The following STAB1 variants were observed in gnomAD, a reference collection of about 807,000 sequenced individuals.
The protein encoded by STAB1 is stabilin-1.
A neutral mutation model predicts 332.4 loss-of-function variants in STAB1; 250 were observed. The ratio of observed to expected loss-of-function variants is 0.75; its 90% CI spans 0.68 to 0.84. STAB1 has a LOEUF of 0.84. Among genes scored for constraint, STAB1 ranks in the 40% least tolerant of loss-of-function variants. The pLI, the probability that STAB1 is intolerant of heterozygous loss-of-function variation, is 0.00. For synonymous variants in STAB1, 1,475 were observed against 1,390.4 expected, an observed-to-expected ratio of 1.06 and a Z score of -1.35; for missense variants, 3,249 against 3,489.7, an observed-to-expected ratio of 0.93 and a Z score of 1.74.
rs1382175202 is a variant in STAB1 at position 52,520,127 on chromosome 3, G to A, written c.5412+7G>A. 6.2e-7 allele frequency: 1 copy of A among 1,611,640 alleles called. No homozygotes were observed. The highest frequency in any genetic ancestry group is 8.5e-7 in the Non-Finnish European group (1 of 1,178,842). The stretch of plus-strand genomic sequence containing the variant: ...CATGATTCGCAATGTCGAGGTGGGT[G>A]CAGCCCCCAACCTTGGTCTTCACTG... On this transcript the variant is annotated splice_region_variant and intron_variant, in intron 51 of 68. Transcript: ENST00000321725.
In STAB1 at chr3:52,514,131, C is replaced by T; in HGVS notation, c.3464C>T (p.Pro1155Leu). The T allele has an allele frequency of 1.9e-6, 3 of 1,613,376 alleles. No homozygotes were observed. Among genetic ancestry groups the T allele is most frequent in the Non-Finnish European group, 1.7e-6 (2 of 1,179,974 alleles). ...CATCCCTAGCACCATGGGTTGGTGC[C>T]CCAGATTGAGGCTGCCACTGCCTAC... Reference protein sequence around the residue: ...RELLQHHGLVPQIEAATAYTI... With the variant: ...RELLQHHGLVLQIEAATAYTI... Residue 1155 changes from proline to leucine, a missense_variant, in exon 33 of 69, where the codon CCC becomes CTC. Transcript: ENST00000321725.
At chr3:52,506,954 C>A (rs1221535234) in intron 18 of STAB1, 104 bp downstream of exon 18, 1 of 1,494,882 alleles carries the variant, frequency 6.7e-7, no homozygotes, top group African/African-American at 1.4e-5. Context: ...GCTGGGCTGA[C>A]GCCGGCTCTG....
chr3:52,506,650 G>A (rs777591173), intron 17 of STAB1, 42 bp from the exon 18 acceptor site: 1 of 1,568,746 alleles, frequency 6.4e-7, no homozygotes. Flanking sequence ...CCGGGCCAAG[G>A]CCAGCCAGGC....
rs749872566 is a variant in STAB1 at position 52,505,869 on chromosome 3, C to T, written c.1696-14C>T. On this transcript the variant is annotated splice_polypyrimidine_tract_variant and intron_variant, in intron 15 of 68. Transcript: ENST00000321725. Reference sequence around the variant, plus strand: ...AGTTCCTCCAGGAGCCAAACCCTCTCTCTCCCCTGCCAGGGTCTCTCTAAA... The same window carrying T: ...AGTTCCTCCAGGAGCCAAACCCTCTTTCTCCCCTGCCAGGGTCTCTCTAAA... 6.2e-6 allele frequency: 10 copies of T among 1,614,044 alleles called. No individual in the cohort carries two copies. Among genetic ancestry groups the T allele is most frequent in the Non-Finnish European group, 7.6e-6 (9 of 1,180,044 alleles).
rs2153233846 is a variant in STAB1, at chr3:52,517,057, G to T, written c.4437G>T (p.Gln1479His). ...ACTGTACCAAGGTGGCACCTGGGCA[G>T]CGGACATGCACCTGCCAGGATGGCT... Reference protein sequence around the residue: ...HANCTKVAPGQRTCTCQDGYM... With the variant: ...HANCTKVAPGHRTCTCQDGYM... The change falls in exon 42 of 69, where the codon CAG becomes CAT. Residue 1479 changes from glutamine to histidine, a missense_variant. Gln to His is a conservative substitution (Grantham distance 24). Coordinates refer to ENST00000321725, the MANE Select transcript of STAB1 (RefSeq NM_015136.3). 1 of 1,602,414 alleles carries T rather than the reference G, an allele frequency of 6.2e-7. No homozygotes were observed. Among genetic ancestry groups the T allele is most frequent in the East Asian group, 2.2e-5 (1 of 44,714 alleles).
In STAB1 at chr3:52,520,718, G is replaced by C. The variant is rs1236735208; in HGVS notation, c.5706+20G>C. The C allele has an allele frequency of 1.2e-6, 2 of 1,611,610 alleles. No homozygotes were observed. Among genetic ancestry groups the C allele is most frequent in the African/African-American group, 2.7e-5 (2 of 74,808 alleles). ...GAGCAGGTACAGGGCTAGGGGCTGA[G>C]TGGGGGTGGTGGGGTGGGGGCAGGC... On this transcript the variant is annotated intron_variant, in intron 54 of 68. Transcript: ENST00000321725.
Position 52,521,678 on chromosome 3 carries a change from G to C in STAB1, c.6141G>C (p.Gly2047=). 1 of 1,612,762 alleles carries C rather than the reference G, an allele frequency of 6.2e-7. No homozygotes were observed. The highest frequency in any genetic ancestry group is 1.3e-5 in the African/African-American group (1 of 75,064). Residue 2047 remains glycine (G), a synonymous_variant, in exon 57 of 69, where the codon GGG becomes GGC. Transcript: ENST00000321725. ...GSCFCDEGWT[G]PRCEVQLELQ... is the part of the protein sequence containing the mutation. ...GCTTCTGTGATGAAGGCTGGACTGG[G>C]CCACGCTGTGAGGTGCAACTGGGTG...
At position 52,516,539 on chromosome 3, in the gene STAB1, C is replaced by A. The variant is rs764874927; in HGVS notation, c.4241-3C>A. The A allele has an allele frequency of 8.7e-6, 14 of 1,613,276 alleles. No individual in the cohort carries two copies. The highest frequency in any genetic ancestry group is 3.3e-5 in the South Asian group (3 of 91,082). ...TGACCAGAGTCATCCTCCTGCCCCCCAGAAATCACCAGCCCTCAGTGCCCT... is the reference window on the plus strand; with the variant it reads ...TGACCAGAGTCATCCTCCTGCCCCCAAGAAATCACCAGCCCTCAGTGCCCT... On this transcript the variant is annotated splice_region_variant and splice_polypyrimidine_tract_variant and intron_variant, in intron 39 of 68. Transcript: ENST00000321725.
chr3:52,519,673 C>A (rs1012879184), intron 50 of STAB1, 109 bp downstream of exon 50: 1 of 1,468,894 alleles, frequency 6.8e-7, no homozygotes, highest in Non-Finnish European at 9.3e-7. Context: ...CACACTGTCC[C>A]GTGTGAGCCT....
rs745746491 is a variant in STAB1 at position 52,522,458 on chromosome 3, T to G, written c.6594T>G (p.Thr2198=). ...CCTGCCACTCAGATGCCATGTGCAC[T>G]GACCTGCACTTCCAGGGTGTGTCCC... ...PPPCHSDAMC[T]DLHFQEKRAG... is the part of the protein sequence containing the mutation. Residue 2198 remains threonine, a synonymous_variant, in exon 60 of 69, where the codon ACT becomes ACG. Coordinates refer to ENST00000321725, the MANE Select transcript of STAB1 (RefSeq NM_015136.3). The G allele has an allele frequency of 2.5e-6, 4 of 1,613,086 alleles. No individual in the cohort carries two copies. The highest frequency in any genetic ancestry group is 3.4e-6 in the Non-Finnish European group (4 of 1,180,024).
intron 30 of STAB1, 93 bp downstream of exon 30, chr3:52,513,334 G>A: frequency 1.6e-6 from 2 of 1,273,720 alleles, no homozygotes; most frequent in Non-Finnish European, 2.2e-6. Flanking sequence ...GGGGCCCCAT[G>A]GGATGAGATT....
At position 52,514,563 on chromosome 3, in the gene STAB1, G is replaced by A. The variant is rs1014760976; in HGVS notation, c.3678+67G>A. 3.3e-6 allele frequency: 5 copies of A among 1,538,194 alleles called. No individual in the cohort carries two copies. The South Asian group carries it at 6.3e-5, about 19-fold the overall frequency. On this transcript the variant is annotated intron_variant, in intron 34 of 68. Transcript: ENST00000321725. ...TACCCCTGAAGATCCCTTCCCTTTG[G>A]AGTTTCCCTAGCTGTGAGCCTCCAA...
At chr3:52,496,799 G>T (rs1211503594) in intron 1 of STAB1, among the ~76,000 whole-genome samples, 2 of 152,164 alleles carry the variant, frequency 1.3e-5, no homozygotes, top group Non-Finnish European at 2.9e-5. Context: ...GAGACCTATG[G>T]CTCTGACCAC....
intron 66 of STAB1, 37 bp downstream of exon 66, chr3:52,523,793 C>T: frequency 6.3e-7 from 1 of 1,588,334 alleles, no homozygotes; most frequent in Non-Finnish European, 8.6e-7. Flanking sequence ...CCCTTCCTGG[C>T]ACCCCCACAA....
At chr3:52,515,994 A>T (rs949180783) in intron 37 of STAB1, 49 bp from the exon 38 acceptor site, 8 of 1,522,558 alleles carry the variant, frequency 5.3e-6, no homozygotes, top group Non-Finnish European at 7.0e-6. Context: ...CTTCCCCCTG[A>T]CACCTTGCTG....
intron 19 of STAB1, 40 bp downstream of exon 19, chr3:52,507,715 G>A (rs771816440): frequency 2.8e-5 from 45 of 1,611,516 alleles, no homozygotes; most frequent in Non-Finnish European, 3.8e-5. Flanking sequence ...CCTCCTGACT[G>A]CCTGTTGAGG....
chr3:52,501,446 C>T lies in STAB1; in HGVS notation c.215+144C>T, dbSNP rs747939764. The T allele has an allele frequency of 8.1e-5, 108 of 1,337,792 alleles. No homozygotes were observed. The highest frequency in any genetic ancestry group is 2.5e-4 in the Middle Eastern group (1 of 3,948). The allele number at this position is 1,337,792 out of a possible 1,614,324, so 82.9% of individuals were successfully genotyped here. A position where few individuals can be genotyped will look rare whatever the true frequency, so the allele number is the denominator to read the frequency against. ...GCCCCACCTGGGTGGTGGAGATAGGCGGGGAGGAAGGGGTAAAGGCGAGGG... is the reference window on the plus strand; with the variant it reads ...GCCCCACCTGGGTGGTGGAGATAGGTGGGGAGGAAGGGGTAAAGGCGAGGG... On this transcript the variant is annotated intron_variant, in intron 2 of 68. Coordinates refer to ENST00000321725, the MANE Select transcript of STAB1 (RefSeq NM_015136.3).
chr3:52,517,965 G>A lies in STAB1; in HGVS notation c.4723G>A (p.Val1575Met), dbSNP rs150583969. 1.6e-3 allele frequency: 2,517 copies of A among 1,607,244 alleles called. 8 individuals carry two copies. The highest frequency in any genetic ancestry group is 1.9e-3 in the Non-Finnish European group (2,249 of 1,178,404). ...RTCTCDTAHT[V>M]GDGLTCRARV... ...ATGTACCTGCGACACAGCCCACACC[G>A]TGGGGGACGGCCTCACCTGCCGTGC... is the stretch of plus-strand genomic sequence containing the variant. Residue 1575 changes from valine (V) to methionine (M), a missense_variant, in exon 45 of 69, where the codon GTG (valine) becomes ATG (methionine). Coordinates refer to ENST00000321725, the MANE Select transcript of STAB1 (RefSeq NM_015136.3).
rs979587660 is a variant in STAB1 at position 52,516,120 on chromosome 3, C to T, written c.4026C>T (p.Gly1342=). 1 of 1,611,692 alleles carries T rather than the reference C, an allele frequency of 6.2e-7. No individual in the cohort carries two copies. Among genetic ancestry groups the T allele is most frequent in the African/African-American group, 1.3e-5 (1 of 74,842 alleles). The change falls in exon 38 of 69, where the codon GGC becomes GGT. Residue 1342 remains glycine, a synonymous_variant. Coordinates refer to ENST00000321725, the MANE Select transcript of STAB1 (RefSeq NM_015136.3). ...CPGGLGGVCS[G]HGQCQDRFLG... ...GGGGTCTAGGGGGGGTGTGCTCAGG[C>T]CATGGGCAGTGCCAGGACAGGTTCC...
Sources: gnomAD v4.1 joint callset for allele counts (sites outside exome capture counted in the v4.1 genomes callset) on GRCh38, gnomAD v4.1.1 for gene constraint, MANE v1.5 for transcripts, NCBI Gene and HGNC (gene_info 2026-07-23, HGNC 2026-07-21) for gene names.